Variants in TSHZ3 observed in about 807,000 individuals in gnomAD.
TSHZ3 encodes teashirt zinc finger homeobox 3.
A neutral mutation model predicts 64.5 loss-of-function variants in TSHZ3; 10 were observed. The ratio of observed to expected loss-of-function variants is 0.16; its 90% confidence interval spans 0.10 to 0.26. TSHZ3 has a LOEUF of 0.26. Among genes scored for constraint, TSHZ3 ranks in the 10% least tolerant of loss-of-function variants. The probability of loss-of-function intolerance (pLI) is 1.00; values close to 1 mark genes in which losing one functional copy is unlikely to be tolerated. For missense variants in TSHZ3, 1,242 were observed against 1,421.7 expected, an observed-to-expected ratio of 0.87 and a Z score of 2.03; for synonymous variants, 608 against 593.1, an observed-to-expected ratio of 1.03 and a Z score of -0.36.
upstream of TSHZ3, among the ~76,000 whole-genome samples, chr19:31,350,174 G>A (rs927126516): frequency 2.3e-4 from 35 of 150,444 alleles, no homozygotes; most frequent in Admixed American, 1.3e-3. Flanking sequence ...CGTCCCCCGG[G>A]GAAGCCAGAG....
At position 31,195,463 on chromosome 19, in the gene TSHZ3, A is replaced by G. The variant is rs1974973565; in HGVS notation, n.809+9493T>C. On this transcript the variant is annotated intron_variant and non_coding_transcript_variant, in intron 5 of 6. Coordinates refer to the TSHZ3 transcript ENST00000651361. ...TGAAATATTTAAAGTGTTAAGAGAA[A>G]AAGAAACATCTTAAAATTCTGTACC... is the stretch of plus-strand genomic sequence containing the variant. 3 of 152,148 alleles carry G rather than the reference A, an allele frequency of 2.0e-5. No homozygotes were observed. In the South Asian group the frequency reaches 6.2e-4, roughly 31 times the overall value. 9.4% of individuals were successfully genotyped at this position (152,148 alleles called of 1,614,324 possible). A position where few individuals can be genotyped will look rare whatever the true frequency, so the allele number is the denominator to read the frequency against.
chr19:31,154,878 T>G (rs887141102), intron 6 of TSHZ3, among the ~76,000 whole-genome samples: 5 of 152,204 alleles, frequency 3.3e-5, no homozygotes, highest in African/African-American at 1.2e-4. Flanking sequence ...CCTGTCTCTA[T>G]CATAAGGGCC....
At position 31,299,181 on chromosome 19, in the gene TSHZ3, C is replaced by A. The variant is rs573581694; in HGVS notation, c.41-19429G>T. 2.6e-5 allele frequency among the ~76,000 whole-genome samples: 4 copies of A among 152,162 alleles called. No homozygotes were observed. The East Asian group carries it at 5.8e-4, about 22-fold the overall frequency. ...CTGCACTCCAGCCTGGGTGACAGGG[C>A]GAGACTCCATCTCAAAAAAAAGTGT... On this transcript the variant is annotated intron_variant, in intron 1 of 1. Transcript: ENST00000240587.
intron 4 of TSHZ3, among the ~76,000 whole-genome samples, chr19:31,216,872 G>A (rs889277620): frequency 6.6e-6 from 1 of 151,854 alleles, no homozygotes; most frequent in East Asian, 1.9e-4. Flanking sequence ...TAGCCAGGAT[G>A]GTCTCGATCT....
chr19:31,166,960 T>C (rs909639166), intron 5 of TSHZ3, among the ~76,000 whole-genome samples: 1 of 152,178 alleles, frequency 6.6e-6, no homozygotes, highest in Non-Finnish European at 1.5e-5. Flanking sequence ...CCCTCATTTA[T>C]AGATGGCAGA....
chr19:31,202,169 A>AT (rs1975097298), intron 5 of TSHZ3, among the ~76,000 whole-genome samples: 1 of 152,128 alleles, frequency 6.6e-6, no homozygotes, highest in East Asian at 1.9e-4. Context: ...CTGTCTAAAA[A>AT]TAAAAAAAAA....
chr19:31,233,872 T>C (rs1483279681), intron 3 of TSHZ3, among the ~76,000 whole-genome samples: 2 of 151,954 alleles, frequency 1.3e-5, no homozygotes, highest in Non-Finnish European at 2.9e-5. Flanking sequence ...TTAAAGATTG[T>C]TTCAGCTATG....
rs141117033 is a variant in TSHZ3 at position 31,250,580 on chromosome 19, G to A, written n.64-7705C>T. Among the ~76,000 whole-genome samples, 129 of 152,260 alleles carry A rather than the reference G, an allele frequency of 8.5e-4. 2 individuals carry two copies. The South Asian group carries it at 0.014, about 16-fold the overall frequency. On this transcript the variant is annotated intron_variant and non_coding_transcript_variant, in intron 1 of 6. Coordinates refer to the TSHZ3 transcript ENST00000651361. ...GTGCATTGTAATAAGCAAAAGATATGAAATATCTACAATTCTAAGTGGAAT... is the reference window on the plus strand; with the variant it reads ...GTGCATTGTAATAAGCAAAAGATATAAAATATCTACAATTCTAAGTGGAAT...
chr19:31,274,198 T>C (rs1485178050), downstream of TSHZ3, among the ~76,000 whole-genome samples: 4 of 152,144 alleles, frequency 2.6e-5, no homozygotes, highest in Non-Finnish European at 5.9e-5. Context: ...CTCATTTGTA[T>C]AATTCTAGGT....
At chr19:31,306,451 T>C (rs968807493) in intron 1 of TSHZ3, among the ~76,000 whole-genome samples, 8 of 152,218 alleles carry the variant, frequency 5.3e-5, no homozygotes, top group African/African-American at 1.9e-4. Context: ...GTGAGGTCTG[T>C]AAAACTTTTA....
intron 5 of TSHZ3, among the ~76,000 whole-genome samples, chr19:31,202,171 A>T (rs75939740): frequency 6.7e-6 from 1 of 148,858 alleles, no homozygotes; most frequent in African/African-American, 2.5e-5. Context: ...GTCTAAAAAT[A>T]AAAAAAAAAG....
At chr19:31,227,637 A>G (rs1372631724) in intron 4 of TSHZ3, among the ~76,000 whole-genome samples, 1 of 152,050 alleles carries the variant, frequency 6.6e-6, no homozygotes, top group East Asian at 1.9e-4. Flanking sequence ...AGGGGCTGAA[A>G]ATCTGTTCCA....
intron 1 of TSHZ3, among the ~76,000 whole-genome samples, chr19:31,263,518 G>C (rs979016028): frequency 6.6e-6 from 1 of 152,206 alleles, no homozygotes; most frequent in African/African-American, 2.4e-5. Context: ...GAGTGCCCCC[G>C]TCCTGCTGGT....
At chr19:31,255,339 T>C (rs957501793) in intron 1 of TSHZ3, among the ~76,000 whole-genome samples, 8 of 151,678 alleles carry the variant, frequency 5.3e-5, no homozygotes, top group African/African-American at 1.9e-4. Context: ...CTGGCTGGAG[T>C]GGGAGGCAGC....
At chr19:31,274,575 C>CG (rs201405314), downstream of TSHZ3, among the ~76,000 whole-genome samples, 1,589 of 152,182 alleles carry the variant, frequency 0.01, 30 homozygotes, top group African/African-American at 0.036. Context: ...CCCTGAACCC[C>CG]GGGCATCCAG....
intron 1 of TSHZ3, among the ~76,000 whole-genome samples, chr19:31,304,066 C>T (rs1418019572): frequency 6.6e-6 from 1 of 151,910 alleles, no homozygotes; most frequent in Admixed American, 6.6e-5. Flanking sequence ...CCTCCGCCTC[C>T]CGGGTTCAAG....
At chr19:31,229,626 T>C (rs1975513746) in intron 3 of TSHZ3, among the ~76,000 whole-genome samples, 1 of 152,170 alleles carries the variant, frequency 6.6e-6, no homozygotes, top group Admixed American at 6.5e-5. Context: ...CTTGATGAAA[T>C]TGATCACATG....
At chr19:31,341,579 C>CCTTCTCTG (rs1917435430) in intron 1 of TSHZ3, among the ~76,000 whole-genome samples, 1 of 151,272 alleles carries the variant, frequency 6.6e-6, no homozygotes, top group African/African-American at 2.4e-5. Flanking sequence ...AGAAAGGTGG[C>CCTTCTCTG]CTTCTCTGTT....
intron 1 of TSHZ3, among the ~76,000 whole-genome samples, chr19:31,252,839 G>C (rs1032398214): frequency 1.3e-5 from 2 of 152,190 alleles, no homozygotes; most frequent in African/African-American, 4.8e-5. Context: ...AACATTTACA[G>C]GTTCCAGGGA....
Sources: allele counts gnomAD v4.1 joint callset (sites outside exome capture counted in the v4.1 genomes callset), GRCh38; gene constraint gnomAD v4.1.1; transcripts MANE v1.5; gene names NCBI Gene and HGNC (gene_info 2026-07-23, HGNC 2026-07-21).